The following NRP1 variants were observed in gnomAD, a reference collection of about 807,000 sequenced individuals.
The protein encoded by NRP1 is neuropilin 1, also known as neuropilin-1.
A neutral mutation model predicts 106.7 loss-of-function variants in NRP1; 35 were observed. The observed-to-expected ratio is 0.33, with a 90% CI of 0.25 to 0.43. The LOEUF is 0.43. Among genes scored for constraint, NRP1 ranks in the 20% least tolerant of loss-of-function variants. NRP1 has a pLI of 1.00. For missense variants in NRP1, 1,024 were observed against 1,170.4 expected (o/e 0.87, Z 1.83); for synonymous variants, 437 against 417.9 (o/e 1.05, Z -0.56).
chr10:33,188,910 A>AAT (rs9299704), intron 13 of NRP1, among the ~76,000 whole-genome samples: 31,326 of 111,116 alleles, frequency 0.28, 4,531 homozygotes, highest in Middle Eastern at 0.43. Flanking sequence ...CCCTGTCTTA[A>AAT]ATATATATAT....
At chr10:33,199,325 T>C (rs2474722) in intron 11 of NRP1, among the ~76,000 whole-genome samples, 24,136 of 135,728 alleles carry the variant, frequency 0.18, 2,350 homozygotes, top group Middle Eastern at 0.28. Context: ...GCCTCCTGAG[T>C]AGCCAGGACT....
intron 11 of NRP1, among the ~76,000 whole-genome samples, chr10:33,199,663 G>A (rs1264914948): frequency 6.6e-6 from 1 of 151,844 alleles, no homozygotes; most frequent in African/African-American, 2.4e-5. Flanking sequence ...GTCTATCCAC[G>A]ATGCAGATTA....
intron 8 of NRP1, among the ~76,000 whole-genome samples, 167 bp downstream of exon 8, chr10:33,221,552 C>T (rs1176236797): frequency 6.6e-6 from 1 of 152,172 alleles, no homozygotes; most frequent in African/African-American, 2.4e-5. Flanking sequence ...AGTAGTAAGG[C>T]AGGATTTGAA....
intron 5 of NRP1, 81 bp from the exon 6 acceptor site, chr10:33,254,275 A>C: frequency 8.0e-7 from 1 of 1,251,466 alleles, no homozygotes; most frequent in East Asian, 2.4e-5. Flanking sequence ...TGATACACCA[A>C]AGAGTTCTTT....
Position 33,324,658 on chromosome 10 carries a change from C to T in NRP1, c.248+6050G>A, listed in dbSNP as rs559557100. Among the ~76,000 whole-genome samples the T allele has an allele frequency of 3.4e-4, 51 of 152,112 alleles. 1 individual carries two copies. The highest frequency in any genetic ancestry group is 2.1e-3 in the Admixed American group (32 of 15,280). On this transcript the variant is annotated intron_variant, in intron 2 of 16. Transcript: ENST00000374867. Reference sequence around the variant, plus strand: ...ACCCACAGGCTTCTTTTTTTTGAGACGGAGTTTTGCTCCTGTTGCCCAGGC... The same window carrying T: ...ACCCACAGGCTTCTTTTTTTTGAGATGGAGTTTTGCTCCTGTTGCCCAGGC...
At chr10:33,190,183 G>C (rs1836309323) in intron 13 of NRP1, among the ~76,000 whole-genome samples, 1 of 152,134 alleles carries the variant, frequency 6.6e-6, no homozygotes. Context: ...TTCTCAATTA[G>C]CACTTTACTT....
chr10:33,304,927 G>A (rs1168486479), intron 2 of NRP1, among the ~76,000 whole-genome samples: 1 of 152,244 alleles, frequency 6.6e-6, no homozygotes, highest in Non-Finnish European at 1.5e-5. Flanking sequence ...AAGCATCCAT[G>A]CAACCAGATT....
intron 8 of NRP1, among the ~76,000 whole-genome samples, chr10:33,217,656 T>A (rs1310575568): frequency 6.6e-6 from 1 of 152,162 alleles, no homozygotes; most frequent in Non-Finnish European, 1.5e-5. Flanking sequence ...ATGAATAATT[T>A]TTTAGTACAC....
intron 12 of NRP1, among the ~76,000 whole-genome samples, chr10:33,193,444 T>A (rs1372668380): frequency 6.6e-6 from 1 of 152,224 alleles, no homozygotes; most frequent in Non-Finnish European, 1.5e-5. Context: ...CGTCCTCCTA[T>A]AAAGAACGAA....
chr10:33,222,498 G>GATTGATTT (rs1554783973), intron 7 of NRP1, among the ~76,000 whole-genome samples: 54 of 104,046 alleles, frequency 5.2e-4, no homozygotes, highest in African/African-American at 1.2e-3. Flanking sequence ...TGTGCGTCAA[G>GATTGATTT]ATTTATTTAT....
At chr10:33,302,145 A>G (rs952215211) in intron 2 of NRP1, among the ~76,000 whole-genome samples, 3 of 152,232 alleles carry the variant, frequency 2.0e-5, no homozygotes, top group African/African-American at 4.8e-5. Context: ...CGGAAACGCA[A>G]CTGAAGGAGA....
intron 12 of NRP1, 92 bp from the exon 13 acceptor site, chr10:33,192,510 A>C: frequency 7.4e-7 from 1 of 1,348,868 alleles, no homozygotes; most frequent in Non-Finnish European, 1.0e-6. Flanking sequence ...CACTCATGGA[A>C]AGCACGATTT....
chr10:33,237,020 C>T (rs1350585678), intron 6 of NRP1, among the ~76,000 whole-genome samples: 1 of 151,642 alleles, frequency 6.6e-6, no homozygotes. Flanking sequence ...CAATTATTAC[C>T]TCTGCTTGGA....
chr10:33,311,675 A>G (rs1232611620), intron 2 of NRP1, among the ~76,000 whole-genome samples: 1 of 152,240 alleles, frequency 6.6e-6, no homozygotes, highest in Admixed American at 6.5e-5. Flanking sequence ...GTCCCAAGAA[A>G]CAATGCTTGG....
At chr10:33,320,608 T>G (rs1443000558) in intron 2 of NRP1, among the ~76,000 whole-genome samples, 1 of 152,202 alleles carries the variant, frequency 6.6e-6, no homozygotes, top group Admixed American at 6.5e-5. Flanking sequence ...CTTTGCTGAA[T>G]TTTTGCTGAT....
At chr10:33,270,965 A>T in intron 2 of NRP1, 109 bp from the exon 3 acceptor site, 1 of 934,036 alleles carries the variant, frequency 1.1e-6, no homozygotes, top group South Asian at 2.1e-5. Context: ...AAGAAAAAAA[A>T]GTTCTATCTG....
chr10:33,196,477 A>T (rs983069847), intron 12 of NRP1, among the ~76,000 whole-genome samples: 3 of 152,150 alleles, frequency 2.0e-5, no homozygotes, highest in Admixed American at 6.5e-5. Context: ...TTTTCATGAG[A>T]TACCTTCAGC....
At chr10:33,303,290 T>C (rs1845931660) in intron 2 of NRP1, among the ~76,000 whole-genome samples, 2 of 152,200 alleles carry the variant, frequency 1.3e-5, no homozygotes, top group South Asian at 2.1e-4. Flanking sequence ...ACATCCTTCT[T>C]TGTTAATTAC....
chr10:33,236,035 A>G (rs1840527747), intron 6 of NRP1, among the ~76,000 whole-genome samples: 1 of 152,212 alleles, frequency 6.6e-6, no homozygotes, highest in African/African-American at 2.4e-5. Context: ...TCCAGGCAGT[A>G]AAAGATTCAG....
Sources: allele counts gnomAD v4.1 joint callset (sites outside exome capture counted in the v4.1 genomes callset), GRCh38; gene constraint gnomAD v4.1.1; transcripts MANE v1.5; gene names NCBI Gene and HGNC (gene_info 2026-07-23, HGNC 2026-07-21).